The following CNTN1 variants were observed in gnomAD, a reference collection of about 807,000 sequenced individuals.
CNTN1 encodes the protein contactin-1.
CNTN1 carries 38 observed loss-of-function variants against 126.4 expected under a neutral mutation model. That is an observed-to-expected ratio of 0.30 (90% CI 0.23 to 0.39). CNTN1 has a LOEUF of 0.39. Among genes scored for constraint, CNTN1 ranks in the 10% least tolerant of loss-of-function variants. CNTN1 has a pLI of 1.00. For missense variants in CNTN1, 1,009 were observed against 1,248.4 expected, an observed-to-expected ratio of 0.81 and a Z score of 2.89; for synonymous variants, 413 against 422.6, an observed-to-expected ratio of 0.98 and a Z score of 0.28.
At chr12:40,813,057 T>TCC (rs1271577569) in intron 1 of CNTN1, among the ~76,000 whole-genome samples, 9 of 133,938 alleles carry the variant, frequency 6.7e-5, no homozygotes, top group Admixed American at 2.3e-4. Context: ...CTTTCTTTCT[T>TCC]TCTTCCTTCC....
At chr12:40,879,342 A>G (rs151250832) in intron 1 of CNTN1, among the ~76,000 whole-genome samples, 164 of 152,254 alleles carry the variant, frequency 1.1e-3, no homozygotes, top group African/African-American at 3.7e-3. Flanking sequence ...AGTAAAGGCC[A>G]TTTCTCTGGC....
At position 41,070,122 on chromosome 12, in the gene CNTN1, G is replaced by A; in HGVS notation, c.*87G>A. The A allele has an allele frequency of 8.5e-7, 1 of 1,181,264 alleles. No homozygotes were observed. 73.2% of individuals were successfully genotyped at this position (1,181,264 alleles called of 1,614,324 possible). A position where few individuals can be genotyped will look rare whatever the true frequency, so the allele number is the denominator to read the frequency against. ...ACCACAATTCCTTCCAATTTCTGCG[G>A]CTCCATCCTAAGCCAAATAAATTAT... On this transcript the variant is annotated 3_prime_UTR_variant, in exon 24 of 24. Coordinates refer to ENST00000551295, the MANE Select transcript of CNTN1 (RefSeq NM_001843.4).
intron 1 of CNTN1, among the ~76,000 whole-genome samples, chr12:40,869,543 T>C (rs56271890): frequency 1.5e-4 from 23 of 152,250 alleles, no homozygotes; most frequent in Non-Finnish European, 3.2e-4. Flanking sequence ...GTGCTGGGAT[T>C]ACACCTGTGA....
intron 9 of CNTN1, among the ~76,000 whole-genome samples, chr12:40,936,557 A>G (rs1180734292): frequency 1.3e-5 from 2 of 152,168 alleles, no homozygotes; most frequent in Non-Finnish European, 2.9e-5. Flanking sequence ...TGATTTACAA[A>G]TGGAAAAATA....
At chr12:40,987,418 A>T (rs1483959488) in intron 16 of CNTN1, among the ~76,000 whole-genome samples, 2 of 152,120 alleles carry the variant, frequency 1.3e-5, no homozygotes, top group African/African-American at 4.8e-5. Context: ...CTGTTCCTGG[A>T]GTTGTACAAG....
intron 16 of CNTN1, among the ~76,000 whole-genome samples, chr12:40,981,403 T>C (rs972967053): frequency 1.3e-5 from 2 of 152,132 alleles, no homozygotes; most frequent in African/African-American, 2.4e-5. Flanking sequence ...ATAGCATTTA[T>C]AGCATAGTAT....
intron 14 of CNTN1, among the ~76,000 whole-genome samples, chr12:40,955,435 G>T (rs1025831885): frequency 6.6e-6 from 1 of 151,952 alleles, no homozygotes; most frequent in African/African-American, 2.4e-5. Flanking sequence ...TATGAAAATA[G>T]TGTATAGATA....
chr12:40,987,349 A>G (rs1229561980), intron 16 of CNTN1, among the ~76,000 whole-genome samples: 1 of 152,188 alleles, frequency 6.6e-6, no homozygotes, highest in African/African-American at 2.4e-5. Flanking sequence ...AAGGCAATCT[A>G]TTGTAAATTT....
chr12:40,999,489 G>T (rs1178511539), intron 17 of CNTN1, among the ~76,000 whole-genome samples: 1 of 151,938 alleles, frequency 6.6e-6, no homozygotes, highest in African/African-American at 2.4e-5. Flanking sequence ...ATTTCTGCAG[G>T]GCTGAGTGCA....
chr12:40,768,096 C>T (rs1484835780), intron 1 of CNTN1, among the ~76,000 whole-genome samples: 2 of 152,148 alleles, frequency 1.3e-5, no homozygotes, highest in Admixed American at 6.5e-5. Flanking sequence ...GGCTTTACAA[C>T]GTTACTCATA....
chr12:40,947,824 C>T (rs986953044), intron 14 of CNTN1, among the ~76,000 whole-genome samples: 58 of 115,806 alleles, frequency 5.0e-4, no homozygotes, highest in Middle Eastern at 4.5e-3. Flanking sequence ...CACACACACA[C>T]ACACATATGT....
chr12:41,051,644 A>G (rs1183018679), intron 23 of CNTN1, among the ~76,000 whole-genome samples: 1 of 152,120 alleles, frequency 6.6e-6, no homozygotes, highest in Non-Finnish European at 1.5e-5. Context: ...TCCTCTTTTT[A>G]AGGAACTGTG....
intron 15 of CNTN1, chr12:40,979,379 C>T (rs1947763215): frequency 6.6e-6 from 1 of 151,726 alleles, no homozygotes; most frequent in Admixed American, 6.6e-5. Flanking sequence ...CTGCAAATAC[C>T]AATGTTCTTA....
intron 14 of CNTN1, among the ~76,000 whole-genome samples, chr12:40,951,660 G>C (rs1946685648): frequency 7.9e-6 from 1 of 126,654 alleles, no homozygotes; most frequent in Non-Finnish European, 1.6e-5. Context: ...AGTGAGCCCA[G>C]ACTGTGCCAC....
At chr12:41,010,320 C>T in intron 17 of CNTN1, among the ~76,000 whole-genome samples, 1 of 152,194 alleles carries the variant, frequency 6.6e-6, no homozygotes, top group East Asian at 1.9e-4. Context: ...CTTCCACAGG[C>T]TAGACAAGGT....
At chr12:40,924,925 T>C (rs548902139) in intron 6 of CNTN1, among the ~76,000 whole-genome samples, 1 of 143,190 alleles carries the variant, frequency 7.0e-6, no homozygotes, top group African/African-American at 2.6e-5. Context: ...AAAGTTCCTA[T>C]TCCATAGGGA....
intron 14 of CNTN1, among the ~76,000 whole-genome samples, chr12:40,946,615 C>T (rs897453504): frequency 6.6e-6 from 1 of 152,052 alleles, no homozygotes; most frequent in Non-Finnish European, 1.5e-5. Flanking sequence ...ACATAATTAA[C>T]ATGTTCTAAC....
intron 23 of CNTN1, among the ~76,000 whole-genome samples, chr12:41,041,570 T>C (rs1454319830): frequency 6.6e-6 from 1 of 152,192 alleles, no homozygotes; most frequent in African/African-American, 2.4e-5. Flanking sequence ...TGGTAAACTA[T>C]TGATTATTGC....
chr12:41,025,410 A>G, intron 21 of CNTN1, 74 bp downstream of exon 21: 1 of 1,480,952 alleles, frequency 6.8e-7, no homozygotes, highest in Non-Finnish European at 9.4e-7. Flanking sequence ...ATATATTTGA[A>G]GGAAATTTCC....
Sources: gnomAD v4.1 joint callset for allele counts (sites outside exome capture counted in the v4.1 genomes callset) on GRCh38, gnomAD v4.1.1 for gene constraint, MANE v1.5 for transcripts, NCBI Gene and HGNC (gene_info 2026-07-23, HGNC 2026-07-21) for gene names.